Variants in LRRFIP2 observed in about 807,000 individuals in gnomAD.
LRRFIP2 encodes the protein LRR binding FLII interacting protein 2.
A neutral mutation model predicts 125.9 loss-of-function variants in LRRFIP2; 109 were observed. The observed-to-expected ratio is 0.87, with a 90% CI of 0.74 to 1.01. The LOEUF (loss-of-function observed/expected upper bound fraction) is 1.01, where lower values mean the gene tolerates loss of function less well. Ranked by LOEUF, LRRFIP2 falls within the 50% of genes least tolerant of loss-of-function variation. The pLI is 0.00. For missense variants in LRRFIP2, 850 were observed against 862.3 expected, an observed-to-expected ratio of 0.99 and a Z score of 0.18; for synonymous variants, 291 against 293.1, an observed-to-expected ratio of 0.99 and a Z score of 0.07.
At chr3:37,098,379 ATTT>A (rs1408505921) in intron 15 of LRRFIP2, among the ~76,000 whole-genome samples, 1 of 145,936 alleles carries the variant, frequency 6.9e-6, no homozygotes, top group Non-Finnish European at 1.5e-5. Flanking sequence ...TTTAACTTTA[ATTT>A]TTTTTCTTTT....
At chr3:37,061,553 G>A (rs1321260842) in intron 24 of LRRFIP2, among the ~76,000 whole-genome samples, 1 of 151,552 alleles carries the variant, frequency 6.6e-6, no homozygotes, top group African/African-American at 2.4e-5. Flanking sequence ...ACCATGCCCG[G>A]CTAATTTTTG....
chr3:37,125,456 AT>A (rs1461419380), intron 4 of LRRFIP2, among the ~76,000 whole-genome samples: 3 of 152,190 alleles, frequency 2.0e-5, no homozygotes, highest in African/African-American at 7.2e-5. Context: ...CTTCCAGCAC[AT>A]TACCAGGTGT....
chr3:37,108,766 T>C (rs2094443372), intron 11 of LRRFIP2, 82 bp from the exon 12 acceptor site: 1 of 1,208,936 alleles, frequency 8.3e-7, no homozygotes, highest in Non-Finnish European at 1.2e-6. Context: ...CAATACTCAG[T>C]ACCAAAAAAG....
At chr3:37,073,999 G>C (rs2091674620) in intron 20 of LRRFIP2, among the ~76,000 whole-genome samples, 1 of 152,162 alleles carries the variant, frequency 6.6e-6, no homozygotes, top group South Asian at 2.1e-4. Flanking sequence ...CATGTAATCT[G>C]ATAGATCCAA....
intron 2 of LRRFIP2, among the ~76,000 whole-genome samples, chr3:37,134,147 A>G (rs924657906): frequency 4.0e-5 from 6 of 149,630 alleles, no homozygotes; most frequent in African/African-American, 1.5e-4. Context: ...GCACCACTGC[A>G]CTCTAGCCTG....
At chr3:37,113,187 C>T (rs899999871) in intron 7 of LRRFIP2, among the ~76,000 whole-genome samples, 5 of 152,232 alleles carry the variant, frequency 3.3e-5, no homozygotes, top group African/African-American at 9.6e-5. Flanking sequence ...ATTCCTCCCT[C>T]ACCTCCCTCT....
intron 18 of LRRFIP2, among the ~76,000 whole-genome samples, chr3:37,087,046 G>C (rs1297004146): frequency 6.6e-6 from 1 of 151,848 alleles, no homozygotes. Context: ...TAGAGACAAG[G>C]TTTCACCATG....
At chr3:37,131,720 T>C (rs959385598) in intron 2 of LRRFIP2, among the ~76,000 whole-genome samples, 9 of 152,212 alleles carry the variant, frequency 5.9e-5, no homozygotes, top group Admixed American at 2.0e-4. Flanking sequence ...GCAATTATGC[T>C]AGGTGCTGAA....
intron 4 of LRRFIP2, among the ~76,000 whole-genome samples, chr3:37,126,301 A>G (rs2095270951): frequency 6.6e-6 from 1 of 152,038 alleles, no homozygotes; most frequent in Non-Finnish European, 1.5e-5. Context: ...AAGTGCTGGG[A>G]TTACAGGCAT....
chr3:37,141,170 A>C (rs111971507), intron 2 of LRRFIP2, among the ~76,000 whole-genome samples: 2,111 of 152,284 alleles, frequency 0.014, 42 homozygotes, highest in African/African-American at 0.045. Context: ...ATGGAAAACT[A>C]TAACAGCTTC....
intron 2 of LRRFIP2, among the ~76,000 whole-genome samples, chr3:37,142,311 G>C (rs1310625726): frequency 1.3e-5 from 2 of 151,812 alleles, no homozygotes; most frequent in East Asian, 3.9e-4. Flanking sequence ...GCTAATTTTT[G>C]TATTTTTTGT....
At chr3:37,128,856 G>A (rs183656491) in intron 3 of LRRFIP2, among the ~76,000 whole-genome samples, 59 of 152,258 alleles carry the variant, frequency 3.9e-4, no homozygotes, top group African/African-American at 1.3e-3. Flanking sequence ...CAATGGACAC[G>A]ATAATAGCTA....
At chr3:37,069,056 G>C (rs753829750) in intron 21 of LRRFIP2, among the ~76,000 whole-genome samples, 1 of 152,148 alleles carries the variant, frequency 6.6e-6, no homozygotes, top group Non-Finnish European at 1.5e-5. Flanking sequence ...TAAAAGTCAA[G>C]GGAGGACCAC....
intron 19 of LRRFIP2, among the ~76,000 whole-genome samples, chr3:37,079,736 A>G (rs557205408): frequency 6.6e-6 from 1 of 152,370 alleles, no homozygotes; most frequent in East Asian, 1.9e-4. Flanking sequence ...TGGAATATTA[A>G]TAGGCTATAA....
At chr3:37,087,795 G>A (rs1357167946) in intron 18 of LRRFIP2, among the ~76,000 whole-genome samples, 2 of 152,002 alleles carry the variant, frequency 1.3e-5, no homozygotes, top group Non-Finnish European at 2.9e-5. Context: ...CACCATGTTG[G>A]CCAGGCTGGT....
At chr3:37,140,429 T>TTTA (rs1160079948) in intron 2 of LRRFIP2, 28 of 151,892 alleles carry the variant, frequency 1.8e-4, no homozygotes, top group African/African-American at 6.8e-4. Flanking sequence ...TCTTTATTTA[T>TTTA]TTATTCATTC....
chr3:37,150,592 T>A (rs2095995924), intron 1 of LRRFIP2, among the ~76,000 whole-genome samples: 1 of 152,158 alleles, frequency 6.6e-6, no homozygotes, highest in South Asian at 2.1e-4. Flanking sequence ...ATCTAACCTT[T>A]GGTTAGATGG....
At chr3:37,132,916 C>G (rs1278865394) in intron 2 of LRRFIP2, among the ~76,000 whole-genome samples, 2 of 152,048 alleles carry the variant, frequency 1.3e-5, no homozygotes, top group African/African-American at 4.8e-5. Context: ...AAAGGACAAC[C>G]AAGATTTAAC....
At chr3:37,169,538 TA>T (rs1242352052) in intron 1 of LRRFIP2, among the ~76,000 whole-genome samples, 27 of 152,354 alleles carry the variant, frequency 1.8e-4, no homozygotes, top group South Asian at 1.0e-3. Context: ...GTTCATGATT[TA>T]AGCCATTTAA....
Sources: allele counts gnomAD v4.1 joint callset (sites outside exome capture counted in the v4.1 genomes callset), GRCh38; gene constraint gnomAD v4.1.1; transcripts MANE v1.5; gene names NCBI Gene and HGNC (gene_info 2026-07-23, HGNC 2026-07-21).